The following PBRM1 variants were observed in gnomAD, a reference collection of about 807,000 sequenced individuals.
The protein encoded by PBRM1 is polybromo 1.
Under a neutral mutation model 194.5 loss-of-function variants are expected in PBRM1, and 27 were observed. The ratio of observed to expected loss-of-function variants is 0.14; its 90% confidence interval spans 0.10 to 0.19. The LOEUF is 0.19. Among genes scored for constraint, PBRM1 ranks in the 10% least tolerant of loss-of-function variants. The probability of loss-of-function intolerance (pLI) is 1.00; values close to 1 mark genes in which losing one functional copy is unlikely to be tolerated. For missense variants in PBRM1, 1,466 were observed against 2,077.2 expected (o/e 0.71, Z 5.72); for synonymous variants, 655 against 693.2 (o/e 0.94, Z 0.87).
intron 4 of PBRM1, among the ~76,000 whole-genome samples, chr3:52,660,266 G>A (rs897944650): frequency 1.3e-5 from 2 of 152,154 alleles, no homozygotes; most frequent in South Asian, 2.1e-4. Flanking sequence ...TGCAAGCAGT[G>A]TTCTACCGAA....
intron 13 of PBRM1, among the ~76,000 whole-genome samples, chr3:52,624,629 C>A: frequency 6.6e-6 from 1 of 152,238 alleles, no homozygotes; most frequent in Non-Finnish European, 1.5e-5. Context: ...TACAGAAACA[C>A]AGCCACAATG....
At chr3:52,603,655 T>C in exon 17 of PBRM1, 1 of 1,613,444 alleles carries the variant, frequency 6.2e-7, no homozygotes, top group Non-Finnish European at 8.5e-7. Context: ...AATCTCTCCA[T>C]TTTTGCAGAG....
intron 15 of PBRM1, among the ~76,000 whole-genome samples, chr3:52,610,821 C>A (rs1305325913): frequency 1.3e-5 from 2 of 152,094 alleles, no homozygotes; most frequent in Admixed American, 1.3e-4. Context: ...CGCCTGTAAT[C>A]CCAGTTACTC....
intron 2 of PBRM1, among the ~76,000 whole-genome samples, chr3:52,674,665 TAC>T (rs1205407010): frequency 8.8e-4 from 121 of 136,802 alleles, no homozygotes; most frequent in African/African-American, 2.9e-3. Flanking sequence ...TATATATATA[TAC>T]ACACACACAC....
intron 5 of PBRM1, among the ~76,000 whole-genome samples, chr3:52,656,348 G>C (rs2096607003): frequency 6.6e-6 from 1 of 152,110 alleles, no homozygotes; most frequent in Admixed American, 6.6e-5. Context: ...CCTACACAAA[G>C]AGAAAGTTTC....
At chr3:52,674,381 T>C (rs926080565) in intron 2 of PBRM1, among the ~76,000 whole-genome samples, 6 of 144,562 alleles carry the variant, frequency 4.2e-5, no homozygotes, top group Admixed American at 2.9e-4. Context: ...CTCGGGAAGC[T>C]GGGGCAGGAG....
intron 5 of PBRM1, 36 bp from the exon 7 acceptor site, chr3:52,651,846 A>T: frequency 2.2e-6 from 3 of 1,338,966 alleles, no homozygotes; most frequent in Non-Finnish European, 3.2e-6. Context: ...TCAATAAGTT[A>T]AACTATTCAG....
chr3:52,639,850 C>T (rs2096002718), intron 10 of PBRM1, among the ~76,000 whole-genome samples: 2 of 151,552 alleles, frequency 1.3e-5, no homozygotes, highest in South Asian at 2.1e-4. Flanking sequence ...GGATAAGAGG[C>T]GTGAGCCAGT....
upstream of PBRM1, among the ~76,000 whole-genome samples, chr3:52,683,614 G>A (rs1246380186): frequency 1.3e-5 from 2 of 152,008 alleles, no homozygotes; most frequent in Non-Finnish European, 2.9e-5. Context: ...AGGAGTTCAA[G>A]ACCAGCCTGG....
Position 52,590,010 on chromosome 3 carries a change from T to C in PBRM1, c.2780-755A>G, listed in dbSNP as rs573348302. Among the ~76,000 whole-genome samples, 4 of 152,000 alleles carry C rather than the reference T, an allele frequency of 2.6e-5. No homozygotes were observed. In the South Asian group the frequency reaches 8.3e-4, roughly 32 times the overall value. On this transcript the variant is annotated intron_variant, in intron 17 of 29. Transcript: ENST00000296302. Reference sequence around the variant, plus strand: ...CGCCTGGCTAATTTTGTATTTTTAGTAGAGATGGGGTTTCTCCATCTTGGT... The same window carrying C: ...CGCCTGGCTAATTTTGTATTTTTAGCAGAGATGGGGTTTCTCCATCTTGGT...
chr3:52,551,158 C>T (rs2153386575), intron 27 of PBRM1, among the ~76,000 whole-genome samples: 1 of 152,314 alleles, frequency 6.6e-6, no homozygotes, highest in Non-Finnish European at 1.5e-5. Flanking sequence ...AACACATTCT[C>T]CTGCAACTGA....
chr3:52,685,119 C>A (rs1220655644), intron 1 of PBRM1, among the ~76,000 whole-genome samples: 1 of 152,210 alleles, frequency 6.6e-6, no homozygotes, highest in Non-Finnish European at 1.5e-5. Context: ...TCTATATCCA[C>A]TATACCGTGT....
intron 22 of PBRM1, among the ~76,000 whole-genome samples, chr3:52,570,559 C>T (rs2086724533): frequency 6.6e-6 from 1 of 152,120 alleles, no homozygotes; most frequent in South Asian, 2.1e-4. Flanking sequence ...TGATTGGTGG[C>T]TTTGGAATGG....
intron 25 of PBRM1, 103 bp from the exon 28 acceptor site, chr3:52,558,516 G>T (rs994374674): frequency 1.4e-5 from 14 of 1,004,264 alleles, no homozygotes; most frequent in Non-Finnish European, 1.5e-5. Flanking sequence ...CAACAGTTCT[G>T]TCTCAATGGA....
chr3:52,583,137 C>T (rs371879768), intron 20 of PBRM1, among the ~76,000 whole-genome samples: 2 of 139,302 alleles, frequency 1.4e-5, no homozygotes, highest in East Asian at 2.2e-4. Flanking sequence ...GGGGCGGGGG[C>T]GGTGGCTCAC....
At chr3:52,602,716 A>G (rs1250341770) in intron 17 of PBRM1, among the ~76,000 whole-genome samples, 1 of 152,192 alleles carries the variant, frequency 6.6e-6, no homozygotes, top group Non-Finnish European at 1.5e-5. Flanking sequence ...CTGAATGAGT[A>G]TATCATATAT....
In PBRM1 at chr3:52,627,134, A is replaced by T. The variant is rs2095472632; in HGVS notation, c.1541+139T>A. 6 of 503,684 alleles carry T rather than the reference A, an allele frequency of 1.2e-5. No homozygotes were observed. In the East Asian group the frequency reaches 1.5e-4, roughly 13 times the overall value. The allele number at this position is 503,684 out of a possible 1,614,324, so 31.2% of individuals were successfully genotyped here. On this transcript the variant is annotated intron_variant, in intron 13 of 29. Transcript: ENST00000296302. ...AAAAAAAGCTAATCATCCAATTGCA[A>T]ATGAATTTTAAAAGAGAACACATTA...
At chr3:52,587,389 A>C in exon 19 of PBRM1, 3 of 1,610,330 alleles carry the variant, frequency 1.9e-6, no homozygotes, top group Non-Finnish European at 2.5e-6. Flanking sequence ...CTAGAATTTT[A>C]CTAACTGGAA....
chr3:52,640,321 C>T (rs1435036815), intron 10 of PBRM1, among the ~76,000 whole-genome samples: 1 of 152,022 alleles, frequency 6.6e-6, no homozygotes, highest in South Asian at 2.1e-4. Flanking sequence ...CTCTGTTGCC[C>T]AGGCTGGAGT....
Sources: allele counts gnomAD v4.1 joint callset (sites outside exome capture counted in the v4.1 genomes callset), GRCh38; gene constraint gnomAD v4.1.1; transcripts MANE v1.5; gene names NCBI Gene and HGNC (gene_info 2026-07-23, HGNC 2026-07-21).